PPP1R14C: variants seen among roughly 807,000 people sequenced by gnomAD.
The protein encoded by PPP1R14C is protein phosphatase 1 regulatory subunit 14C.
In PPP1R14C, 16 loss-of-function variants were observed where a neutral mutation model predicts 20.4. The observed-to-expected ratio is 0.78, with a 90% CI of 0.53 to 1.19. The LOEUF (loss-of-function observed/expected upper bound fraction) is 1.19, where lower values mean the gene tolerates loss of function less well. PPP1R14C is among the 50% of genes most tolerant of loss of function. The pLI, the probability that PPP1R14C is intolerant of heterozygous loss-of-function variation, is 0.00. For missense variants in PPP1R14C, 211 were observed against 220.1 expected, an observed-to-expected ratio of 0.96 and a Z score of 0.26; for synonymous variants, 91 against 91.0, an observed-to-expected ratio of 1.00 and a Z score of 0.00.
rs143648987 is a variant in PPP1R14C, at chr6:150,154,014, G to A, written c.306+10516G>A. Among the ~76,000 whole-genome samples, 508 of 152,324 alleles carry A rather than the reference G, an allele frequency of 3.3e-3. 7 individuals carry two copies. Among genetic ancestry groups the A allele is most frequent in the Admixed American group, 0.022 (333 of 15,298 alleles). ...CACATTATGGCAGAAGAATGGAGGA[G>A]ACCATATGATTGAAAGCTCTTTGGG... On this transcript the variant is annotated intron_variant, in intron 1 of 3. Transcript: ENST00000361131.
chr6:150,168,543 A>AAACAAAAC (rs1264167382), intron 1 of PPP1R14C, among the ~76,000 whole-genome samples: 1 of 148,716 alleles, frequency 6.7e-6, no homozygotes, highest in Non-Finnish European at 1.5e-5. Flanking sequence ...CAACAAAACA[A>AAACAAAAC]AACAAAACAA....
chr6:150,222,086 G>T (rs1015497152), intron 3 of PPP1R14C, among the ~76,000 whole-genome samples: 1 of 148,128 alleles, frequency 6.8e-6, no homozygotes, highest in East Asian at 1.9e-4. Flanking sequence ...GGTATGAGCC[G>T]CCAAGCCTGA....
intron 1 of PPP1R14C, among the ~76,000 whole-genome samples, chr6:150,182,490 G>GCCT (rs891762001): frequency 4.5e-4 from 68 of 152,248 alleles, no homozygotes; most frequent in African/African-American, 8.4e-4. Context: ...CATTCATGAG[G>GCCT]CCTCCACTCT....
At chr6:150,214,178 T>C (rs1359918436) in intron 1 of PPP1R14C, among the ~76,000 whole-genome samples, 1 of 152,148 alleles carries the variant, frequency 6.6e-6, no homozygotes, top group African/African-American at 2.4e-5. Context: ...GCCATACTGA[T>C]GCCCCAAATC....
At chr6:150,146,311 A>G (rs915751403) in intron 1 of PPP1R14C, among the ~76,000 whole-genome samples, 1 of 152,180 alleles carries the variant, frequency 6.6e-6, no homozygotes, top group Admixed American at 6.5e-5. Context: ...TCCACTGTAT[A>G]CCCATGAGGC....
intron 3 of PPP1R14C, among the ~76,000 whole-genome samples, chr6:150,248,374 G>A (rs1416379314): frequency 6.6e-6 from 1 of 152,160 alleles, no homozygotes; most frequent in Admixed American, 6.5e-5. Context: ...TGGAAATGCA[G>A]AATCTCAGAC....
intron 1 of PPP1R14C, among the ~76,000 whole-genome samples, chr6:150,170,607 C>G (rs1199918367): frequency 6.6e-6 from 1 of 152,146 alleles, no homozygotes; most frequent in East Asian, 1.9e-4. Context: ...CAGGCGTGAG[C>G]CACTGCGCCC....
At chr6:150,217,849 AG>A (rs1194204271) in intron 3 of PPP1R14C, among the ~76,000 whole-genome samples, 2 of 152,200 alleles carry the variant, frequency 1.3e-5, no homozygotes, top group Non-Finnish European at 2.9e-5. Flanking sequence ...TCTAATTAAA[AG>A]GGGGGAGGAA....
intron 3 of PPP1R14C, among the ~76,000 whole-genome samples, chr6:150,242,285 C>A (rs1778441329): frequency 1.3e-5 from 1 of 77,032 alleles, no homozygotes; most frequent in Non-Finnish European, 2.4e-5. Flanking sequence ...ATGAAGCTGG[C>A]AATACCCTGA....
chr6:150,215,873 G>A (rs1041219775), intron 2 of PPP1R14C, among the ~76,000 whole-genome samples: 1 of 152,202 alleles, frequency 6.6e-6, no homozygotes, highest in African/African-American at 2.4e-5. Context: ...TGAGTGCAGT[G>A]TGGGTGCCAC....
In PPP1R14C at chr6:150,236,319, C is replaced by T. The variant is rs539140884; in HGVS notation, c.424-12427C>T. ...GTCCCTGACAGATACTCAGTACCCG[C>T]GAGAGCACGGTACTGTGCCAAGCAA... On this transcript the variant is annotated intron_variant, in intron 3 of 3. Transcript: ENST00000361131. Among the ~76,000 whole-genome samples, 36 of 150,668 alleles carry T rather than the reference C, an allele frequency of 2.4e-4. No homozygotes were observed. The South Asian group carries it at 6.9e-3, about 29-fold the overall frequency.
chr6:150,151,514 T>C (rs1057245789), intron 1 of PPP1R14C, among the ~76,000 whole-genome samples: 3 of 152,154 alleles, frequency 2.0e-5, no homozygotes, highest in Non-Finnish European at 2.9e-5. Flanking sequence ...ATGGTCACTG[T>C]AGTCCAGTTT....
chr6:150,205,007 T>TTG (rs1241760487), intron 1 of PPP1R14C, among the ~76,000 whole-genome samples: 1 of 151,704 alleles, frequency 6.6e-6, no homozygotes, highest in Admixed American at 6.6e-5. Flanking sequence ...TTTTTTTTTT[T>TTG]TTTGTTAAAC....
In PPP1R14C at chr6:150,214,596, T is replaced by G. The variant is rs551670775; in HGVS notation, c.307-148T>G. 2.0e-4 allele frequency: 114 copies of G among 575,828 alleles called. 2 individuals carry two copies. The South Asian group carries it at 2.0e-3, about 10-fold the overall frequency. 35.7% of individuals were successfully genotyped at this position (575,828 alleles called of 1,614,324 possible). ...CCCTTTTCTCTCTTTCCTTCCCTCC[T>G]CTCCCCCTAGCCTCTCCTTCCCCCT... On this transcript the variant is annotated intron_variant, in intron 1 of 3. Coordinates refer to ENST00000361131, the MANE Select transcript of PPP1R14C (RefSeq NM_030949.3).
At chr6:150,160,121 A>G (rs1007372784) in intron 1 of PPP1R14C, among the ~76,000 whole-genome samples, 5 of 152,114 alleles carry the variant, frequency 3.3e-5, no homozygotes, top group African/African-American at 9.7e-5. Flanking sequence ...CATCCTGTCA[A>G]CGTGGCTTAT....
chr6:150,203,292 C>T (rs1017618860), intron 1 of PPP1R14C, among the ~76,000 whole-genome samples: 3 of 152,204 alleles, frequency 2.0e-5, no homozygotes, highest in East Asian at 1.9e-4. Flanking sequence ...TCCAGAACGT[C>T]CTGTAGTTGG....
Position 150,249,297 on chromosome 6 carries a change from C to T in PPP1R14C, c.*477C>T, listed in dbSNP as rs1354165305. On this transcript the variant is annotated 3_prime_UTR_variant, in exon 4 of 4. Coordinates refer to ENST00000361131, the MANE Select transcript of PPP1R14C (RefSeq NM_030949.3). ...TAAAATGTTGATGTGAGTTTTATTTCACATGGATGGAATAAACTTGTGGTT... is the reference window on the plus strand; with the variant it reads ...TAAAATGTTGATGTGAGTTTTATTTTACATGGATGGAATAAACTTGTGGTT... 2.5e-6 allele frequency: 1 copy of T among 398,992 alleles called. No homozygotes were observed. Among genetic ancestry groups the T allele is most frequent in the African/African-American group, 2.1e-5 (1 of 48,606 alleles). The allele number at this position is 398,992 out of a possible 1,614,324, so 24.7% of individuals were successfully genotyped here.
chr6:150,204,511 T>C (rs1382842899), intron 1 of PPP1R14C, among the ~76,000 whole-genome samples: 2 of 152,222 alleles, frequency 1.3e-5, no homozygotes, highest in Non-Finnish European at 2.9e-5. Flanking sequence ...GAATATTTAT[T>C]TATTTGAAGA....
chr6:150,208,417 T>C (rs988790895), intron 1 of PPP1R14C, among the ~76,000 whole-genome samples: 6 of 152,190 alleles, frequency 3.9e-5, no homozygotes, highest in Admixed American at 6.5e-5. Flanking sequence ...TGATGTGTCA[T>C]AGGGTAGGTT....
Sources: gnomAD v4.1 joint callset for allele counts (sites outside exome capture counted in the v4.1 genomes callset) on GRCh38, gnomAD v4.1.1 for gene constraint, MANE v1.5 for transcripts, NCBI Gene and HGNC (gene_info 2026-07-23, HGNC 2026-07-21) for gene names.